MAPRE2: variants seen among roughly 807,000 people sequenced by gnomAD.
MAPRE2 encodes the protein microtubule-associated protein RP/EB family member 2.
A neutral mutation model predicts 43.2 loss-of-function variants in MAPRE2; 13 were observed. The observed-to-expected ratio is 0.30, with a 90% CI of 0.20 to 0.48. MAPRE2 has a LOEUF of 0.48. Ranked by LOEUF, MAPRE2 falls within the 20% of genes least tolerant of loss-of-function variation. MAPRE2 has a pLI of 0.99. For synonymous variants in MAPRE2, 135 were observed against 148.8 expected, an observed-to-expected ratio of 0.91 and a Z score of 0.68; for missense variants, 161 against 400.2, an observed-to-expected ratio of 0.40 and a Z score of 5.10.
At chr18:35,059,371 C>G (rs374377747) in intron 1 of MAPRE2, among the ~76,000 whole-genome samples, 13 of 151,978 alleles carry the variant, frequency 8.6e-5, no homozygotes, top group African/African-American at 2.7e-4. Context: ...TTCACTCAAC[C>G]CTAGTCTGTT....
intron 2 of MAPRE2, among the ~76,000 whole-genome samples, chr18:35,022,306 T>A (rs1412421068): frequency 6.6e-6 from 1 of 152,148 alleles, no homozygotes; most frequent in Non-Finnish European, 1.5e-5. Flanking sequence ...AAGCAATTTG[T>A]TCAAATTAGT....
intron 2 of MAPRE2, among the ~76,000 whole-genome samples, chr18:35,015,661 T>TGTGG (rs1268679532): frequency 6.6e-6 from 1 of 151,458 alleles, no homozygotes; most frequent in South Asian, 2.1e-4. Flanking sequence ...TGTGTGTGTG[T>TGTGG]GTGTGTGTGT....
intron 1 of MAPRE2, among the ~76,000 whole-genome samples, chr18:35,000,231 C>T (rs533907218): frequency 6.6e-6 from 1 of 152,236 alleles, no homozygotes; most frequent in East Asian, 1.9e-4. Context: ...GTAGTGTTCT[C>T]TTCTTGGAAA....
At chr18:34,997,715 C>A (rs1226179309) in intron 1 of MAPRE2, among the ~76,000 whole-genome samples, 1 of 152,198 alleles carries the variant, frequency 6.6e-6, no homozygotes, top group Non-Finnish European at 1.5e-5. Context: ...ATTCGGGAGG[C>A]TGAGGCAGGA....
intron 2 of MAPRE2, among the ~76,000 whole-genome samples, chr18:35,072,074 A>G (rs1366841101): frequency 6.6e-6 from 1 of 152,232 alleles, no homozygotes; most frequent in Non-Finnish European, 1.5e-5. Context: ...AACAACTTGT[A>G]TTGCAGCTTA....
At chr18:35,096,899 C>G (rs1490218478) in intron 2 of MAPRE2, among the ~76,000 whole-genome samples, 1 of 151,986 alleles carries the variant, frequency 6.6e-6, no homozygotes, top group Non-Finnish European at 1.5e-5. Flanking sequence ...TGTGGGGGTT[C>G]TGTAGTTTTC....
chr18:34,996,379 G>A (rs544465134), intron 1 of MAPRE2, among the ~76,000 whole-genome samples: 14 of 152,222 alleles, frequency 9.2e-5, no homozygotes, highest in Admixed American at 2.6e-4. Flanking sequence ...TCATGTGCAC[G>A]GTTCACAATA....
intron 2 of MAPRE2, among the ~76,000 whole-genome samples, chr18:35,085,479 A>G (rs1347574462): frequency 6.6e-6 from 1 of 152,250 alleles, no homozygotes; most frequent in African/African-American, 2.4e-5. Context: ...TGTTAATGTC[A>G]AGATCTCAAA....
At chr18:35,074,206 TGTA>T (rs1286728677) in intron 2 of MAPRE2, among the ~76,000 whole-genome samples, 2 of 152,224 alleles carry the variant, frequency 1.3e-5, no homozygotes, top group Non-Finnish European at 2.9e-5. Context: ...TTGAACCACA[TGTA>T]GTATCAGATT....
At chr18:35,076,487 C>T (rs1213724676) in intron 2 of MAPRE2, among the ~76,000 whole-genome samples, 3 of 152,264 alleles carry the variant, frequency 2.0e-5, no homozygotes, top group African/African-American at 7.2e-5. Context: ...AGAAATGTCC[C>T]CCTCCCTCTT....
chr18:34,998,631 T>A lies in MAPRE2; in HGVS notation c.-69-6861T>A, dbSNP rs1289130816. Among the ~76,000 whole-genome samples, 3 of 151,788 alleles carry A rather than the reference T, an allele frequency of 2.0e-5. No individual in the cohort carries two copies. The East Asian group carries it at 5.8e-4, about 29-fold the overall frequency. ...CATGAGCCACCGTGCCTGGCCTAATTTTTTTATTTTTAGTAGAGACGGGGT... is the reference window on the plus strand; with the variant it reads ...CATGAGCCACCGTGCCTGGCCTAATATTTTTATTTTTAGTAGAGACGGGGT... On this transcript the variant is annotated intron_variant, in intron 1 of 7. Transcript: ENST00000413393.
intron 4 of MAPRE2, among the ~76,000 whole-genome samples, chr18:35,115,569 T>C (rs781588699): frequency 1.3e-5 from 2 of 152,186 alleles, no homozygotes; most frequent in African/African-American, 4.8e-5. Context: ...ATCACTCTTA[T>C]GCCTTTGCAT....
At chr18:35,114,347 A>AT (rs994679099) in intron 4 of MAPRE2, among the ~76,000 whole-genome samples, 3 of 151,468 alleles carry the variant, frequency 2.0e-5, no homozygotes, top group African/African-American at 7.3e-5. Context: ...TTGCGATGAC[A>AT]TTTTTTTTTA....
At chr18:35,119,830 C>T (rs1055834689) in intron 4 of MAPRE2, among the ~76,000 whole-genome samples, 4 of 152,076 alleles carry the variant, frequency 2.6e-5, no homozygotes, top group African/African-American at 9.7e-5. Context: ...AAAAATGAGC[C>T]TTATTTTCTT....
chr18:35,128,929 G>A (rs899864165), intron 5 of MAPRE2, among the ~76,000 whole-genome samples: 6 of 152,142 alleles, frequency 3.9e-5, no homozygotes, highest in Admixed American at 1.3e-4. Context: ...GTAGGCTCCC[G>A]CTAGCTCTCC....
rs1370436453 is a variant in MAPRE2 at position 34,985,321 on chromosome 18, T to TA, written c.-70+8243dup. Among the ~76,000 whole-genome samples, 59 of 35,626 alleles carry TA rather than the reference T, an allele frequency of 1.7e-3. 1 individual carries two copies. The highest frequency in any genetic ancestry group is 5.6e-3 in the African/African-American group (50 of 8,950). The allele number at this position is 35,626 out of a possible 152,430, so 23.4% of individuals were successfully genotyped here. On this transcript the variant is annotated intron_variant, in intron 1 of 7. Transcript: ENST00000413393. The stretch of plus-strand genomic sequence containing the variant: ...TATATATTGTATATATTATATTATA[T>TA]ATATAATATAATATATAATATATTA...
chr18:35,115,274 G>A (rs1420655645), intron 4 of MAPRE2, among the ~76,000 whole-genome samples: 1 of 152,128 alleles, frequency 6.6e-6, no homozygotes, highest in African/African-American at 2.4e-5. Context: ...TTTTTGAAGT[G>A]CTCTCCAGTC....
At chr18:34,981,980 G>T (rs909636748) in intron 1 of MAPRE2, among the ~76,000 whole-genome samples, 5 of 150,316 alleles carry the variant, frequency 3.3e-5, no homozygotes, top group Non-Finnish European at 7.4e-5. Flanking sequence ...TGCCTCCCAG[G>T]TTCACTCTAT....
chr18:35,110,882 T>C (rs1909145412), intron 4 of MAPRE2, among the ~76,000 whole-genome samples: 1 of 152,182 alleles, frequency 6.6e-6, no homozygotes, highest in Non-Finnish European at 1.5e-5. Context: ...ATTTTCTCCT[T>C]ATCTTTGGTT....
Sources: allele counts gnomAD v4.1 joint callset (sites outside exome capture counted in the v4.1 genomes callset), GRCh38; gene constraint gnomAD v4.1.1; transcripts MANE v1.5; gene names NCBI Gene and HGNC (gene_info 2026-07-23, HGNC 2026-07-21).